The following TRAPPC10 variants were observed in gnomAD, a reference collection of about 807,000 sequenced individuals.
The protein encoded by TRAPPC10 is TRAPP 130 kDa subunit.
TRAPPC10 carries 23 observed loss-of-function variants against 125.5 expected under a neutral mutation model. The observed-to-expected ratio is 0.18, with a 90% confidence interval of 0.13 to 0.26. The LOEUF (loss-of-function observed/expected upper bound fraction) is 0.26. Among genes scored for constraint, TRAPPC10 ranks in the 10% least tolerant of loss-of-function variants. The probability of loss-of-function intolerance (pLI) is 1.00; values close to 1 mark genes in which losing one functional copy is unlikely to be tolerated. For missense variants in TRAPPC10, 1,123 were observed against 1,308.4 expected (o/e 0.86, Z 2.19); for synonymous variants, 509 against 518.0 (o/e 0.98, Z 0.24).
intron 10 of TRAPPC10, among the ~76,000 whole-genome samples, chr21:44,077,392 A>G (rs930863514): frequency 3.3e-5 from 5 of 152,210 alleles, no homozygotes; most frequent in African/African-American, 1.2e-4. Context: ...GTTTGAGACC[A>G]GCCTAGCCAA....
intron 7 of TRAPPC10, among the ~76,000 whole-genome samples, chr21:44,073,736 T>G (rs1199612429): frequency 1.3e-5 from 2 of 152,154 alleles, no homozygotes; most frequent in Non-Finnish European, 2.9e-5. Flanking sequence ...TAGGGAGCAA[T>G]AGGGAGCTCT....
At chr21:44,046,087 TA>T (rs2034785742) in intron 3 of TRAPPC10, among the ~76,000 whole-genome samples, 1 of 152,150 alleles carries the variant, frequency 6.6e-6, no homozygotes, top group Admixed American at 6.5e-5. Context: ...GAGCAGTATT[TA>T]AAAAACAGTC....
chr21:44,087,900 G>A lies in TRAPPC10; in HGVS notation c.2741G>A (p.Gly914Asp). 1 of 1,614,002 alleles carries A rather than the reference G, an allele frequency of 6.2e-7. No individual in the cohort carries two copies. The highest frequency in any genetic ancestry group is 8.5e-7 in the Non-Finnish European group (1 of 1,179,994). ...HRKHKDKQRT[G>D]RCMVTTDHKV... ...AAGCATAAGGACAAACAGAGAACTG[G>A]CCGCTGCATGGTTACCACAGACCAC... Residue 914 changes from glycine (G) to aspartate (D), a missense_variant, in exon 17 of 23, where the codon GGC becomes GAC. Gly to Asp is a moderately conservative substitution (Grantham distance 94, BLOSUM62 -1). Transcript: ENST00000291574. This position sits in a 1 kb window ranked among gnomAD's most constrained non-coding sequence, Gnocchi z 4.6.
intron 2 of TRAPPC10, among the ~76,000 whole-genome samples, chr21:44,033,286 GATT>G (rs1456920070): frequency 6.6e-6 from 1 of 152,138 alleles, no homozygotes; most frequent in Non-Finnish European, 1.5e-5. Context: ...TAACATGAGG[GATT>G]AAGGTGGCTT....
intron 1 of TRAPPC10, among the ~76,000 whole-genome samples, chr21:44,015,610 ATT>A (rs11405094): frequency 2.1e-5 from 3 of 140,428 alleles, no homozygotes; most frequent in Admixed American, 7.2e-5. Flanking sequence ...AGCTCTCCAA[ATT>A]TTTTTTTTTT....
intron 7 of TRAPPC10, among the ~76,000 whole-genome samples, chr21:44,065,189 G>T (rs182376232): frequency 2.0e-5 from 3 of 152,192 alleles, no homozygotes; most frequent in African/African-American, 7.2e-5. Flanking sequence ...GGAGAGGGCT[G>T]TTAGTTTTGT....
Position 44,077,745 on chromosome 21 carries a change from C to T in TRAPPC10, c.1430C>T (p.Ser477Phe). The change falls in exon 11 of 23, where the codon TCT (serine) becomes TTT (phenylalanine). Residue 477 changes from serine to phenylalanine, a missense_variant. Ser to Phe is a radical substitution (Grantham distance 155). Around this residue, in one of 4 missense-constraint regions of TRAPPC10, gnomAD observed 840 missense variants for 902.0 expected, o/e 0.93. Coordinates refer to ENST00000291574, the MANE Select transcript of TRAPPC10 (RefSeq NM_003274.5). ...EMYTSIGRIR[S>F]AKFVGKDLAE... is the part of the protein sequence containing the mutation. ...TATACAAGCATTGGGAGGATTCGAT[C>T]TGCTAAGTTTGTTGGAAAAGATCTG... The T allele has an allele frequency of 6.2e-7, 1 of 1,611,130 alleles. No homozygotes were observed. Among genetic ancestry groups the T allele is most frequent in the Non-Finnish European group, 8.5e-7 (1 of 1,178,150 alleles).
intron 1 of TRAPPC10, among the ~76,000 whole-genome samples, chr21:44,013,900 G>A (rs2031491458): frequency 6.6e-6 from 1 of 152,232 alleles, no homozygotes; most frequent in Non-Finnish European, 1.5e-5. Context: ...GCCCCAGAGG[G>A]CAGATGTGGG....
chr21:44,084,255 C>T lies in TRAPPC10; in HGVS notation c.2372C>T (p.Pro791Leu), dbSNP rs751783122. The change falls in exon 15 of 23, where the codon CCG becomes CTG. Residue 791 changes from proline (P) to leucine (L), a missense_variant. By Grantham distance (98) the Pro-to-Leu change is moderately conservative (BLOSUM62 -3). This residue lies in a region of TRAPPC10 where 840 missense variants were observed against 902.0 expected (regional missense o/e 0.93). Coordinates refer to ENST00000291574, the MANE Select transcript of TRAPPC10 (RefSeq NM_003274.5). The part of the protein sequence containing the change: ...YSQEPQLHVE[P>L]LADSLLAGIP... ...CAGGAGCCCCAGCTGCACGTGGAGC[C>T]GCTGGCTGGTGAGTGGGGTCCCCAG... 3.7e-6 allele frequency: 6 copies of T among 1,613,506 alleles called. No individual in the cohort carries two copies. The highest frequency in any genetic ancestry group is 1.1e-5 in the South Asian group (1 of 90,946).
chr21:44,087,206 G>A lies in TRAPPC10; in HGVS notation c.2539+246G>A, dbSNP rs2038197547. Among the ~76,000 whole-genome samples the A allele has an allele frequency of 6.6e-6, 1 of 152,212 alleles. No individual in the cohort carries two copies. The highest frequency in any genetic ancestry group is 1.5e-5 in the Non-Finnish European group (1 of 68,036). On this transcript the variant is annotated intron_variant, in intron 16 of 22. Transcript: ENST00000291574. The surrounding 1 kb of genome is among the most constrained non-coding windows in gnomAD (Gnocchi z 4.6). Reference sequence around the variant, plus strand: ...TGTCTGGCTGAGGATTAGGAGATGGGGGTCACGGCTGGGGTCACGTTCCAT... The same window carrying A: ...TGTCTGGCTGAGGATTAGGAGATGGAGGTCACGGCTGGGGTCACGTTCCAT...
chr21:44,054,996 G>A (rs1485075054), intron 4 of TRAPPC10, among the ~76,000 whole-genome samples: 1 of 152,172 alleles, frequency 6.6e-6, no homozygotes, highest in Non-Finnish European at 1.5e-5. Context: ...GTGAGACATC[G>A]TGGTCCTTTT....
chr21:44,019,585 C>T (rs745432464), intron 1 of TRAPPC10, among the ~76,000 whole-genome samples: 3 of 152,146 alleles, frequency 2.0e-5, no homozygotes, highest in Non-Finnish European at 2.9e-5. Flanking sequence ...TTTTTTCTCT[C>T]ACAACTGACA....
intron 14 of TRAPPC10, 122 bp from the exon 15 acceptor site, chr21:44,084,000 A>T: frequency 9.0e-7 from 1 of 1,107,522 alleles, no homozygotes; most frequent in Non-Finnish European, 1.3e-6. Flanking sequence ...AGCAGGGGGT[A>T]CAAGAGGGAA....
chr21:44,068,929 A>G (rs1218548658), intron 7 of TRAPPC10, among the ~76,000 whole-genome samples: 2 of 152,174 alleles, frequency 1.3e-5, no homozygotes, highest in South Asian at 2.1e-4. Context: ...TAGGTTCAAG[A>G]AAAATTTAGT....
chr21:44,079,401 C>G, intron 11 of TRAPPC10, 163 bp from the exon 12 acceptor site: 1 of 668,730 alleles, frequency 1.5e-6, no homozygotes, highest in Non-Finnish European at 2.4e-6. Flanking sequence ...TGAGTAGGTA[C>G]TCTTTCTCAC....
chr21:44,064,391 A>G (rs761767639), intron 7 of TRAPPC10, among the ~76,000 whole-genome samples: 1 of 152,058 alleles, frequency 6.6e-6, no homozygotes, highest in Non-Finnish European at 1.5e-5. Flanking sequence ...AAATTCACCC[A>G]AGCACTGAAC....
At chr21:44,012,775 G>A (rs766048219) in intron 1 of TRAPPC10, among the ~76,000 whole-genome samples, 1 of 151,926 alleles carries the variant, frequency 6.6e-6, no homozygotes, top group Admixed American at 6.6e-5. Flanking sequence ...CCCCTGGGGG[G>A]CGCCCTCGGG....
intron 15 of TRAPPC10, among the ~76,000 whole-genome samples, chr21:44,085,604 G>C (rs1206088803): frequency 6.6e-6 from 1 of 152,040 alleles, no homozygotes; most frequent in Non-Finnish European, 1.5e-5. Flanking sequence ...AGCCCCAGCT[G>C]AGGCTCCTGC....
At chr21:44,090,234 C>T (rs1342051167) in intron 18 of TRAPPC10, among the ~76,000 whole-genome samples, 1 of 151,726 alleles carries the variant, frequency 6.6e-6, no homozygotes, top group Non-Finnish European at 1.5e-5. Flanking sequence ...TTCAAGCCAT[C>T]GACTTGTTCA....
Sources: allele counts gnomAD v4.1 joint callset (sites outside exome capture counted in the v4.1 genomes callset), GRCh38; gene constraint gnomAD v4.1.1; regional missense constraint gnomAD v4.1.1; non-coding constraint Gnocchi (gnomAD v3.1); transcripts MANE v1.5; gene names NCBI Gene and HGNC (gene_info 2026-07-23, HGNC 2026-07-21).